The following ZNF568 variants were observed in gnomAD, a reference collection of about 807,000 sequenced individuals.
ZNF568 encodes zinc finger protein 568, also known as p53 inhibitor of SCO2 activation.
Under a neutral mutation model 18.1 loss-of-function variants are expected in ZNF568, and 11 were observed. That is an observed-to-expected ratio of 0.61 (90% CI 0.38 to 1.00). The LOEUF (loss-of-function observed/expected upper bound fraction) is 1.00, where lower values mean the gene tolerates loss of function less well. Ranked by LOEUF, ZNF568 falls within the 50% of genes least tolerant of loss-of-function variation. The pLI is 0.01. For synonymous variants in ZNF568, 213 were observed against 246.6 expected (o/e 0.86, Z 1.28); for missense variants, 639 against 768.2 (o/e 0.83, Z 1.99).
chr19:36,954,010 G>C (rs150164730), downstream of ZNF568, among the ~76,000 whole-genome samples: 1 of 152,254 alleles, frequency 6.6e-6, no homozygotes, highest in African/African-American at 2.4e-5. Flanking sequence ...GATTACTTGA[G>C]GTCAGGAGTT....
At chr19:36,953,559 T>C (rs1046076817), downstream of ZNF568, among the ~76,000 whole-genome samples, 1 of 152,162 alleles carries the variant, frequency 6.6e-6, no homozygotes, top group African/African-American at 2.4e-5. Flanking sequence ...ATGTTTTTAT[T>C]ATGCCATCTC....
At chr19:36,967,572 A>G (rs2074203524) in intron 6 of ZNF568, among the ~76,000 whole-genome samples, 1 of 152,280 alleles carries the variant, frequency 6.6e-6, no homozygotes, top group Admixed American at 6.5e-5. Context: ...CAAAAAAAAC[A>G]AAACAAACAA....
downstream of ZNF568, among the ~76,000 whole-genome samples, chr19:36,984,365 T>C (rs1232372600): frequency 1.3e-5 from 2 of 152,198 alleles, no homozygotes. Context: ...TATTTGTGTT[T>C]ATTTAGTGGT....
intron 2 of ZNF568, among the ~76,000 whole-genome samples, chr19:36,920,747 CTACAGTAGTG>C (rs1235463213): frequency 1.2e-4 from 18 of 151,968 alleles, no homozygotes; most frequent in African/African-American, 4.4e-4. Context: ...TTTATAAAGT[CTACAGTAGTG>C]TACAGTAGTG....
chr19:36,926,026 T>G (rs1213309983), intron 4 of ZNF568, among the ~76,000 whole-genome samples: 3 of 152,162 alleles, frequency 2.0e-5, no homozygotes, highest in African/African-American at 7.2e-5. Context: ...AAAATTCAAA[T>G]TACCTGGAAG....
intron 6 of ZNF568, among the ~76,000 whole-genome samples, chr19:36,962,277 G>GTTTTTTTTTTTT (rs71177418): frequency 6.6e-5 from 3 of 45,284 alleles, no homozygotes; most frequent in Non-Finnish European, 1.1e-4. Context: ...GTGTTGCAGT[G>GTTTTTTTTTTTT]TTTTTTTTTT....
chr19:36,936,696 C>T (rs1406081468), intron 4 of ZNF568, 50 bp from the exon 5 acceptor site: 2 of 1,576,060 alleles, frequency 1.3e-6, no homozygotes, highest in East Asian at 4.5e-5. Context: ...GTTGTGATCA[C>T]AATGCCTAAT....
At chr19:36,978,434 C>T (rs1445584850) in intron 7 of ZNF568, among the ~76,000 whole-genome samples, 5 of 152,130 alleles carry the variant, frequency 3.3e-5, no homozygotes. Flanking sequence ...ACACAGGGTG[C>T]AATTGGTCTC....
intron 2 of ZNF568, among the ~76,000 whole-genome samples, chr19:36,918,214 G>A (rs2073386668): frequency 6.6e-6 from 1 of 152,186 alleles, no homozygotes; most frequent in African/African-American, 2.4e-5. Context: ...AAAGTGCTGG[G>A]ATTACAGGCG....
At chr19:36,966,258 C>T (rs2074194098) in intron 6 of ZNF568, among the ~76,000 whole-genome samples, 1 of 152,090 alleles carries the variant, frequency 6.6e-6, no homozygotes, top group South Asian at 2.1e-4. Flanking sequence ...TGCATTCCAG[C>T]CTAGGCAACA....
At chr19:36,988,325 T>A (rs1441593087) in intron 2 of ZNF568, among the ~76,000 whole-genome samples, 3 of 152,128 alleles carry the variant, frequency 2.0e-5, no homozygotes, top group Non-Finnish European at 4.4e-5. Flanking sequence ...TATAAAGAAA[T>A]ACCTGAGACT....
intron 6 of ZNF568, among the ~76,000 whole-genome samples, chr19:36,948,922 A>T (rs948172664): frequency 2.0e-5 from 3 of 151,872 alleles, no homozygotes; most frequent in Non-Finnish European, 4.4e-5. Context: ...TTTCTGGCCA[A>T]ATCTCTTTGT....
At chr19:36,958,616 CTTTTT>C (rs35494587) in intron 6 of ZNF568, among the ~76,000 whole-genome samples, 3 of 99,086 alleles carry the variant, frequency 3.0e-5, no homozygotes, top group African/African-American at 8.9e-5. Flanking sequence ...CTTTTTCTTT[CTTTTT>C]TTTTTTTTTT....
chr19:36,950,248 T>C lies in ZNF568; in HGVS notation c.1095T>C (p.Asn365=), dbSNP rs1035464342. The part of the protein sequence containing the change: ...IHTGEKPYAC[N]ECGRAFSRMS... ...CTGGGGAGAAACCTTATGCATGTAA[T>C]GAATGTGGTAGAGCTTTTTCTCGAA... is the stretch of plus-strand genomic sequence containing the variant. Residue 365 remains asparagine (N), a synonymous_variant, in exon 7 of 7, where the codon AAT becomes AAC. Transcript: ENST00000333987. The C allele has an allele frequency of 6.2e-7, 1 of 1,613,818 alleles. No individual in the cohort carries two copies. The highest frequency in any genetic ancestry group is 1.3e-5 in the African/African-American group (1 of 74,876).
At chr19:36,992,750 T>G (rs1406113636) in intron 4 of ZNF568, among the ~76,000 whole-genome samples, 1 of 152,226 alleles carries the variant, frequency 6.6e-6, no homozygotes. Context: ...AACAGTCTAA[T>G]TGTAGAACAT....
At chr19:36,996,250 C>T in intron 4 of ZNF568, 2 of 1,191,556 alleles carry the variant, frequency 1.7e-6, no homozygotes, top group Non-Finnish European at 2.3e-6. Context: ...GTCATTTCTA[C>T]TTTCAGGACT....
downstream of ZNF568, among the ~76,000 whole-genome samples, chr19:36,984,508 TTTC>T (rs1368779569): frequency 1.3e-5 from 2 of 152,136 alleles, no homozygotes; most frequent in African/African-American, 4.8e-5. Flanking sequence ...GTCAGGTATT[TTTC>T]TTCTTTTTTT....
intron 4 of ZNF568, among the ~76,000 whole-genome samples, chr19:36,932,213 T>TGTG (rs1313048751): frequency 1.3e-5 from 2 of 152,248 alleles, no homozygotes; most frequent in Non-Finnish European, 2.9e-5. Context: ...TGTGGTCATA[T>TGTG]GTTTTCACTT....
intron 6 of ZNF568, among the ~76,000 whole-genome samples, chr19:36,972,763 C>T (rs1249372022): frequency 6.6e-6 from 1 of 152,182 alleles, no homozygotes; most frequent in Non-Finnish European, 1.5e-5. Flanking sequence ...TGGTCCGCTC[C>T]CTGGCTTTTT....
Sources: gnomAD v4.1 joint callset for allele counts (sites outside exome capture counted in the v4.1 genomes callset) on GRCh38, gnomAD v4.1.1 for gene constraint, MANE v1.5 for transcripts, NCBI Gene and HGNC (gene_info 2026-07-23, HGNC 2026-07-21) for gene names.